Variants in RERE observed in about 807,000 individuals in gnomAD.
RERE encodes arginine-glutamic acid dipeptide repeats.
Under a neutral mutation model 146.1 loss-of-function variants are expected in RERE, and 40 were observed. That is an observed-to-expected ratio of 0.27 (90% CI 0.21 to 0.36). RERE has a LOEUF of 0.36. Ranked by LOEUF, RERE falls within the 10% of genes least tolerant of loss-of-function variation. RERE has a pLI of 1.00. For synonymous variants in RERE, 1,003 were observed against 866.0 expected (o/e 1.16, Z -2.78); for missense variants, 1,933 against 2,138.7 (o/e 0.90, Z 1.90).
At chr1:8,641,857 TC>T (rs1226962260) in intron 2 of RERE, among the ~76,000 whole-genome samples, 1 of 152,152 alleles carries the variant, frequency 6.6e-6, no homozygotes, top group Non-Finnish European at 1.5e-5. Context: ...CCAGGAGCCA[TC>T]CCCTTTTGGA....
At chr1:8,540,589 G>A (rs375210543) in intron 7 of RERE, among the ~76,000 whole-genome samples, 5 of 152,034 alleles carry the variant, frequency 3.3e-5, no homozygotes, top group South Asian at 2.1e-4. Context: ...ATTCTTCCAC[G>A]TGCTACATTA....
chr1:8,588,581 A>G (rs1646455424), intron 4 of RERE, among the ~76,000 whole-genome samples: 1 of 152,246 alleles, frequency 6.6e-6, no homozygotes, highest in African/African-American at 2.4e-5. Context: ...ATTACAGGAT[A>G]AAAAGATAAG....
rs982029709 is a variant in RERE at position 8,787,966 on chromosome 1, C to G, written c.-145+29194G>C. Among the ~76,000 whole-genome samples, 4 of 152,072 alleles carry G rather than the reference C, an allele frequency of 2.6e-5. No individual in the cohort carries two copies. The South Asian group carries it at 8.3e-4, about 32-fold the overall frequency. ...TACAAAAATTAGCCAGGCATAGTGGCGCACACCTGTAGTCCCAGCTACTTC... is the reference window on the plus strand; with the variant it reads ...TACAAAAATTAGCCAGGCATAGTGGGGCACACCTGTAGTCCCAGCTACTTC... On this transcript the variant is annotated intron_variant, in intron 1 of 22. Coordinates refer to ENST00000400908, the MANE Select transcript of RERE (RefSeq NM_001042681.2).
chr1:8,625,863 C>T (rs1381937720), intron 2 of RERE, among the ~76,000 whole-genome samples: 3 of 152,162 alleles, frequency 2.0e-5, no homozygotes, highest in Non-Finnish European at 4.4e-5. Flanking sequence ...ATCTTTGTAC[C>T]TACCCAAAAG....
At chr1:8,647,498 T>C (rs914032619) in intron 2 of RERE, among the ~76,000 whole-genome samples, 2 of 152,198 alleles carry the variant, frequency 1.3e-5, no homozygotes, top group African/African-American at 4.8e-5. Context: ...CCATTATCAA[T>C]AAAACTACCC....
At chr1:8,734,925 T>C (rs1270961016) in intron 1 of RERE, among the ~76,000 whole-genome samples, 2 of 152,234 alleles carry the variant, frequency 1.3e-5, no homozygotes, top group African/African-American at 2.4e-5. Context: ...TCCCTTTTAC[T>C]TACCGCATCC....
chr1:8,512,701 C>G (rs1235246204), intron 7 of RERE: 1 of 152,296 alleles, frequency 6.6e-6, no homozygotes, highest in Non-Finnish European at 1.5e-5. Context: ...CAAGAAGATT[C>G]AGGGCACTGA....
At chr1:8,717,016 T>C (rs551135786) in intron 1 of RERE, among the ~76,000 whole-genome samples, 85 of 152,268 alleles carry the variant, frequency 5.6e-4, no homozygotes, top group African/African-American at 2.0e-3. Flanking sequence ...TTTTAAAAAA[T>C]AAATGATATA....
At chr1:8,716,823 A>T (rs984442191) in intron 1 of RERE, among the ~76,000 whole-genome samples, 2 of 150,804 alleles carry the variant, frequency 1.3e-5, no homozygotes, top group Non-Finnish European at 2.9e-5. Flanking sequence ...GAAAAGGAAT[A>T]AAAAAAAACC....
At chr1:8,474,610 T>C (rs1179234053) in intron 10 of RERE, among the ~76,000 whole-genome samples, 1 of 152,246 alleles carries the variant, frequency 6.6e-6, no homozygotes, top group Non-Finnish European at 1.5e-5. Context: ...ATGGCTCAGC[T>C]GTCAGGCACC....
intron 6 of RERE, among the ~76,000 whole-genome samples, chr1:8,542,438 G>A (rs576186409): frequency 2.0e-5 from 3 of 152,162 alleles, no homozygotes; most frequent in Non-Finnish European, 2.9e-5. Context: ...CTGGCTGAGG[G>A]GTTATCAGCG....
chr1:8,479,290 A>ATTTTTTAAATT (rs1242567969), intron 10 of RERE, among the ~76,000 whole-genome samples: 1 of 151,580 alleles, frequency 6.6e-6, no homozygotes, highest in East Asian at 1.9e-4. Flanking sequence ...ATAATGAGCT[A>ATTTTTTAAATT]TTTTTTAAAT....
chr1:8,496,332 C>T (rs530194271), intron 9 of RERE, among the ~76,000 whole-genome samples: 1 of 152,016 alleles, frequency 6.6e-6, no homozygotes, highest in South Asian at 2.1e-4. Context: ...TTAAAAATAG[C>T]CGGGCATGGT....
intron 1 of RERE, among the ~76,000 whole-genome samples, chr1:8,664,717 G>T (rs950295003): frequency 6.6e-6 from 1 of 151,992 alleles, no homozygotes; most frequent in African/African-American, 2.4e-5. Flanking sequence ...TTATCTCATT[G>T]TTACCTTATA....
At chr1:8,425,333 T>C (rs1643996268) in intron 11 of RERE, 2 of 152,300 alleles carry the variant, frequency 1.3e-5, no homozygotes, top group Non-Finnish European at 2.9e-5. Context: ...TAAGTATGTG[T>C]GAAGTCATTA....
chr1:8,501,432 G>T (rs1420167608), intron 8 of RERE, among the ~76,000 whole-genome samples: 44 of 59,680 alleles, frequency 7.4e-4, no homozygotes, highest in South Asian at 1.6e-3. Context: ...GGTGAGGGGC[G>T]CCTCTGCCCG....
chr1:8,768,670 C>T (rs976552255), intron 1 of RERE, among the ~76,000 whole-genome samples: 3 of 152,186 alleles, frequency 2.0e-5, no homozygotes, highest in African/African-American at 7.2e-5. Context: ...AAGAAATTTA[C>T]AGGCCAGTTA....
At chr1:8,372,051 ACCTGTAACCTGT>A (rs1407057604) in intron 12 of RERE, among the ~76,000 whole-genome samples, 9 of 152,234 alleles carry the variant, frequency 5.9e-5, no homozygotes, top group Non-Finnish European at 5.9e-5. Flanking sequence ...CGGGAAGAGA[ACCTGTAACCTGT>A]CCTGTGATAA....
chr1:8,493,307 A>AT (rs1337678484), intron 10 of RERE, among the ~76,000 whole-genome samples: 1 of 152,158 alleles, frequency 6.6e-6, no homozygotes, highest in Non-Finnish European at 1.5e-5. Context: ...CAAAATAAAG[A>AT]TTTTGTATTT....
Sources: gnomAD v4.1 joint callset for allele counts (sites outside exome capture counted in the v4.1 genomes callset) on GRCh38, gnomAD v4.1.1 for gene constraint, MANE v1.5 for transcripts, NCBI Gene and HGNC (gene_info 2026-07-23, HGNC 2026-07-21) for gene names.